The following SLC25A18 variants were observed in gnomAD, a reference collection of about 807,000 sequenced individuals.
SLC25A18 encodes solute carrier family 25 member 18.
SLC25A18 carries 24 observed loss-of-function variants against 31.1 expected under a neutral mutation model. That is an observed-to-expected ratio of 0.77 (90% CI 0.56 to 1.08). The LOEUF (loss-of-function observed/expected upper bound fraction) is 1.08. SLC25A18 is among the 50% of genes least tolerant of loss of function. The pLI, the probability that SLC25A18 is intolerant of heterozygous loss-of-function variation, is 0.00. For missense variants in SLC25A18, 371 were observed against 418.5 expected (o/e 0.89, Z 0.99); for synonymous variants, 173 against 161.9 (o/e 1.07, Z -0.52).
chr22:17,569,420 A>G (rs1259061542), intron 1 of SLC25A18, among the ~76,000 whole-genome samples: 1 of 152,184 alleles, frequency 6.6e-6, no homozygotes, highest in African/African-American at 2.4e-5. Context: ...ATACATGCAA[A>G]GTGAAAGGAA....
At chr22:17,576,866 C>T (rs988590001) in intron 2 of SLC25A18, among the ~76,000 whole-genome samples, 2 of 152,220 alleles carry the variant, frequency 1.3e-5, no homozygotes, top group African/African-American at 4.8e-5. Context: ...TCCCTAATTT[C>T]TCTGGCATCT....
chr22:17,580,182 T>G (rs920368081), intron 3 of SLC25A18: 1 of 447,476 alleles, frequency 2.2e-6, no homozygotes, highest in African/African-American at 2.0e-5. Context: ...GTTTAATTGT[T>G]TGGGTTCATC....
At chr22:17,566,708 G>A (rs1164068183) in intron 1 of SLC25A18, among the ~76,000 whole-genome samples, 2 of 152,150 alleles carry the variant, frequency 1.3e-5, no homozygotes, top group Admixed American at 6.5e-5. Flanking sequence ...CACCGTGCCT[G>A]GCCCAGCCTG....
At chr22:17,569,065 G>A (rs947291501) in intron 1 of SLC25A18, among the ~76,000 whole-genome samples, 4 of 150,416 alleles carry the variant, frequency 2.7e-5, no homozygotes, top group Non-Finnish European at 4.4e-5. Context: ...CTGGAGGGCA[G>A]TGGCGCGATC....
intron 6 of SLC25A18, 121 bp downstream of exon 6, chr22:17,582,774 A>G: frequency 1.2e-6 from 1 of 839,532 alleles, no homozygotes. Flanking sequence ...ATGTGCACAC[A>G]TGGCTGAGGG....
intron 1 of SLC25A18, among the ~76,000 whole-genome samples, chr22:17,568,190 C>T (rs1265699896): frequency 1.3e-5 from 2 of 151,662 alleles, no homozygotes; most frequent in Non-Finnish European, 2.9e-5. Context: ...TGGTGAAACC[C>T]CGTCTCTACT....
intron 7 of SLC25A18, chr22:17,583,943 CA>C (rs113029966): frequency 0.064 from 27,058 of 424,126 alleles, 2 homozygotes; most frequent in Non-Finnish European, 0.076. Context: ...GACTCTGTCT[CA>C]AAAAAAAAAA....
In SLC25A18 at chr22:17,575,478, C is replaced by T. The variant is rs570248995; in HGVS notation, c.-200-4267C>T. On this transcript the variant is annotated intron_variant, in intron 2 of 10. Coordinates refer to ENST00000327451, the MANE Select transcript of SLC25A18 (RefSeq NM_031481.3). ...GGGTCTGCTTTATTTATCTCTGTTT[C>T]CTCAATCATGTGACAAGTTTGCTGA... Among the ~76,000 whole-genome samples, 10 of 152,238 alleles carry T rather than the reference C, an allele frequency of 6.6e-5. No individual in the cohort carries two copies. The South Asian group carries it at 1.9e-3, about 28-fold the overall frequency.
chr22:17,589,648 G>C lies in SLC25A18; in HGVS notation c.789G>C (p.Gly263=). The C allele has an allele frequency of 6.2e-7, 1 of 1,614,122 alleles. No individual in the cohort carries two copies. Among genetic ancestry groups the C allele is most frequent in the Non-Finnish European group, 8.5e-7 (1 of 1,180,006 alleles). Residue 263 remains glycine (G), a synonymous_variant, in exon 10 of 11, where the codon GGG becomes GGC. Transcript: ENST00000327451. ...GCCTGGGCGAGGACATGTACAGTGG[G>C]ATCACCGACTGTGCCAGGTGAGAGC... ...KKGLGEDMYS[G]ITDCARKLWI...
At chr22:17,588,286 T>C (rs2057612070) in intron 9 of SLC25A18, 2 of 552,416 alleles carry the variant, frequency 3.6e-6, no homozygotes, top group South Asian at 2.3e-5. Flanking sequence ...AAGATGCTGA[T>C]TGCTTTAGCT....
intron 4 of SLC25A18, 40 bp downstream of exon 4, chr22:17,581,199 G>T: frequency 1.3e-6 from 2 of 1,569,932 alleles, no homozygotes; most frequent in East Asian, 2.3e-5. Context: ...AGAGGCGCCC[G>T]GGGGAGGGAT....
chr22:17,578,516 G>A (rs1284047295), intron 2 of SLC25A18, among the ~76,000 whole-genome samples: 2 of 152,172 alleles, frequency 1.3e-5, no homozygotes, highest in East Asian at 1.9e-4. Flanking sequence ...AGGAGAGCTG[G>A]GGACCCTAAA....
At chr22:17,573,497 T>TG (rs2057151534) in intron 2 of SLC25A18, among the ~76,000 whole-genome samples, 1 of 152,032 alleles carries the variant, frequency 6.6e-6, no homozygotes. Flanking sequence ...CTCCTGGAAA[T>TG]GGGGCACCTG....
intron 2 of SLC25A18, among the ~76,000 whole-genome samples, chr22:17,572,274 G>C (rs951284971): frequency 2.0e-5 from 3 of 151,250 alleles, no homozygotes; most frequent in Admixed American, 2.0e-4. Context: ...ACCTGAGATC[G>C]GGAGTTCAAG....
intron 2 of SLC25A18, among the ~76,000 whole-genome samples, chr22:17,574,826 TC>T (rs1363283511): frequency 1.4e-5 from 2 of 143,806 alleles, no homozygotes; most frequent in African/African-American, 2.7e-5. Context: ...TGGCCAATGT[TC>T]CCTTTATTAT....
At position 17,578,628 on chromosome 22, in the gene SLC25A18, G is replaced by A. The variant is rs146668946; in HGVS notation, c.-200-1117G>A. On this transcript the variant is annotated intron_variant, in intron 2 of 10. Transcript: ENST00000327451. Reference sequence around the variant, plus strand: ...AGCTGCTCCTGACACCACTCCTCTGGGGTTAAAGCAGCCTCACTCTGGCCA... The same window carrying A: ...AGCTGCTCCTGACACCACTCCTCTGAGGTTAAAGCAGCCTCACTCTGGCCA... Among the ~76,000 whole-genome samples the A allele has an allele frequency of 1.0e-3, 159 of 152,290 alleles. 2 individuals are homozygous for A. The highest frequency in any genetic ancestry group is 1.8e-3 in the Admixed American group (28 of 15,300).
rs1031979736 is a variant in SLC25A18 at position 17,568,662 on chromosome 22, C to T, written c.-263-1262C>T. ...CTGCAAGCTCTGCGTCCCGGATTCA[C>T]GCCATTCTCCTGCCTCAGCCTCCCG... is the stretch of plus-strand genomic sequence containing the variant. On this transcript the variant is annotated intron_variant, in intron 1 of 10. Coordinates refer to ENST00000327451, the MANE Select transcript of SLC25A18 (RefSeq NM_031481.3). Among the ~76,000 whole-genome samples, 5 of 140,042 alleles carry T rather than the reference C, an allele frequency of 3.6e-5. No individual in the cohort carries two copies. The Admixed American group carries it at 3.8e-4, about 11-fold the overall frequency. The allele number at this position is 140,042 out of a possible 152,430, so 91.9% of individuals were successfully genotyped here.
At chr22:17,578,043 G>A (rs1353025358) in intron 2 of SLC25A18, among the ~76,000 whole-genome samples, 1 of 149,532 alleles carries the variant, frequency 6.7e-6, no homozygotes, top group African/African-American at 2.5e-5. Context: ...GGAGTGTAGT[G>A]GTGTGATCTT....
intron 9 of SLC25A18, chr22:17,589,171 C>T (rs2057641533): frequency 6.7e-6 from 1 of 149,156 alleles, no homozygotes. Context: ...GGCCTCATGA[C>T]CGTTTTTTTT....
Sources: allele counts gnomAD v4.1 joint callset (sites outside exome capture counted in the v4.1 genomes callset), GRCh38; gene constraint gnomAD v4.1.1; transcripts MANE v1.5; gene names NCBI Gene and HGNC (gene_info 2026-07-23, HGNC 2026-07-21).